The following NALCN variants were observed in gnomAD, a reference collection of about 807,000 sequenced individuals.
NALCN encodes sodium leak channel, non-selective.
In NALCN, 111 loss-of-function variants were observed where a neutral mutation model predicts 225.3. The ratio of observed to expected loss-of-function variants is 0.49; its 90% CI spans 0.42 to 0.58. The LOEUF is 0.58. Ranked by LOEUF, NALCN falls within the 20% of genes least tolerant of loss-of-function variation. The probability of loss-of-function intolerance (pLI) is 0.00; values close to 1 mark genes in which losing one functional copy is unlikely to be tolerated. For missense variants in NALCN, 1,378 were observed against 2,202.4 expected (o/e 0.63, Z 7.49); for synonymous variants, 764 against 769.0 (o/e 0.99, Z 0.11).
intron 15 of NALCN, among the ~76,000 whole-genome samples, chr13:101,168,866 C>A (rs748134773): frequency 2.0e-5 from 3 of 152,182 alleles, no homozygotes; most frequent in Non-Finnish European, 2.9e-5. Flanking sequence ...GTCGAGAAAG[C>A]CACTCTGTTT....
chr13:101,396,369 T>G (rs1386056834), intron 2 of NALCN, among the ~76,000 whole-genome samples: 4 of 152,148 alleles, frequency 2.6e-5, no homozygotes, highest in African/African-American at 9.7e-5. Flanking sequence ...TACGTTTTTA[T>G]TGACTATCTG....
Position 101,104,474 on chromosome 13 carries a change from A to G in NALCN, c.2758-48T>C. On this transcript the variant is annotated intron_variant, in intron 24 of 43. Coordinates refer to ENST00000251127, the MANE Select transcript of NALCN (RefSeq NM_052867.4). This position sits in a 1 kb window ranked among gnomAD's most constrained non-coding sequence, Gnocchi z 4.2. Reference sequence around the variant, plus strand: ...TGGTTACAATGAACGGAAAAACAGCAGGTCAGTATTTTACCTCCTAGTTGT... The same window carrying G: ...TGGTTACAATGAACGGAAAAACAGCGGGTCAGTATTTTACCTCCTAGTTGT... 6.2e-7 allele frequency: 1 copy of G among 1,612,712 alleles called. No homozygotes were observed. The highest frequency in any genetic ancestry group is 2.2e-5 in the East Asian group (1 of 44,850).
At position 101,068,039 on chromosome 13, in the gene NALCN, A is replaced by T. The variant is rs764097969; in HGVS notation, c.4331-6T>A. ...GAAATTCTCCACAATTATGGCTTTT[A>T]AAAAAAGAAAAATTCAGAAGTTAGA... On this transcript the variant is annotated splice_region_variant and splice_polypyrimidine_tract_variant and intron_variant, in intron 38 of 43. Coordinates refer to ENST00000251127, the MANE Select transcript of NALCN (RefSeq NM_052867.4). 1 of 1,535,480 alleles carries T rather than the reference A, an allele frequency of 6.5e-7. No individual in the cohort carries two copies. The highest frequency in any genetic ancestry group is 8.9e-7 in the Non-Finnish European group (1 of 1,123,890).
intron 6 of NALCN, among the ~76,000 whole-genome samples, chr13:101,366,899 C>T (rs2046390369): frequency 1.4e-5 from 2 of 146,584 alleles, no homozygotes; most frequent in Non-Finnish European, 3.0e-5. Flanking sequence ...AACTTTGTAC[C>T]CTTTGATCAG....
intron 13 of NALCN, among the ~76,000 whole-genome samples, chr13:101,218,387 G>A (rs1016792275): frequency 3.3e-5 from 5 of 152,120 alleles, no homozygotes; most frequent in African/African-American, 1.2e-4. Context: ...TAGCAGGGCT[G>A]TGCTCTGACA....
intron 10 of NALCN, among the ~76,000 whole-genome samples, chr13:101,282,878 T>C (rs2043213356): frequency 6.6e-6 from 1 of 152,150 alleles, no homozygotes; most frequent in African/African-American, 2.4e-5. Flanking sequence ...CCCACAGTAA[T>C]GGCTCAGAGT....
intron 10 of NALCN, among the ~76,000 whole-genome samples, chr13:101,275,714 C>T (rs769586890): frequency 1.5e-4 from 23 of 151,998 alleles, no homozygotes; most frequent in African/African-American, 5.6e-4. Context: ...CGCATTTAGG[C>T]AGTTGTAGCA....
intron 12 of NALCN, among the ~76,000 whole-genome samples, chr13:101,236,803 T>A (rs1211430960): frequency 1.3e-5 from 2 of 148,732 alleles, no homozygotes; most frequent in African/African-American, 2.5e-5. Flanking sequence ...TTAGGAGATA[T>A]ACCTAATGCT....
chr13:101,193,147 G>A (rs1219419011), intron 13 of NALCN, among the ~76,000 whole-genome samples: 2 of 147,034 alleles, frequency 1.4e-5, no homozygotes, highest in Non-Finnish European at 3.0e-5. Flanking sequence ...GCTCAAAGAT[G>A]TTAAGTGATT....
intron 7 of NALCN, among the ~76,000 whole-genome samples, chr13:101,324,623 T>G (rs1032438430): frequency 2.0e-5 from 3 of 152,182 alleles, no homozygotes; most frequent in African/African-American, 7.2e-5. Flanking sequence ...GCACATTGAT[T>G]TTGTATCCTG....
At chr13:101,347,605 A>C (rs142391033) in intron 6 of NALCN, among the ~76,000 whole-genome samples, 1 of 152,158 alleles carries the variant, frequency 6.6e-6, no homozygotes, top group Non-Finnish European at 1.5e-5. Flanking sequence ...GGTACCTACA[A>C]TATAACAGTA....
At chr13:101,234,835 A>AGTAT (rs369903650) in intron 12 of NALCN, among the ~76,000 whole-genome samples, 1 of 144,834 alleles carries the variant, frequency 6.9e-6, no homozygotes, top group African/African-American at 2.5e-5. Context: ...CTATCTATCT[A>AGTAT]CTATCTATCT....
chr13:101,063,053 T>C lies in NALCN; in HGVS notation c.4605-935A>G, dbSNP rs367779680. On this transcript the variant is annotated intron_variant, in intron 40 of 43. Coordinates refer to ENST00000251127, the MANE Select transcript of NALCN (RefSeq NM_052867.4). ...GCAATAAGGCAGCTCCCAGGATGCC[T>C]GGACTGAGCAGTCCACCACCAGAGG... 1.2e-3 allele frequency among the ~76,000 whole-genome samples: 180 copies of C among 152,342 alleles called. 1 individual carries two copies. Among genetic ancestry groups the C allele is most frequent in the African/African-American group, 4.1e-3 (171 of 41,580 alleles).
chr13:101,071,158 G>A (rs978184177), intron 37 of NALCN, among the ~76,000 whole-genome samples: 1 of 152,202 alleles, frequency 6.6e-6, no homozygotes, highest in Non-Finnish European at 1.5e-5. Flanking sequence ...ATGAGATTTG[G>A]GTGGGGACAC....
intron 15 of NALCN, among the ~76,000 whole-genome samples, chr13:101,159,637 A>T (rs1257913227): frequency 6.6e-6 from 1 of 152,218 alleles, no homozygotes; most frequent in Non-Finnish European, 1.5e-5. Flanking sequence ...CAGTAATGAC[A>T]GCTCTCGACT....
intron 17 of NALCN, among the ~76,000 whole-genome samples, chr13:101,135,167 G>C (rs1372866441): frequency 6.6e-6 from 1 of 152,182 alleles, no homozygotes. Context: ...TGCACCCCAG[G>C]CTGGGTGACA....
At chr13:101,404,475 G>A (rs2047561706) in intron 1 of NALCN, among the ~76,000 whole-genome samples, 1 of 152,180 alleles carries the variant, frequency 6.6e-6, no homozygotes, top group Non-Finnish European at 1.5e-5. Context: ...AAAGCCATCA[G>A]GGATTCCACT....
At chr13:101,183,959 T>C (rs1340492294) in intron 14 of NALCN, among the ~76,000 whole-genome samples, 3 of 152,194 alleles carry the variant, frequency 2.0e-5, no homozygotes, top group Non-Finnish European at 2.9e-5. Context: ...TTTTCATGCA[T>C]TTACTATTTG....
At chr13:101,084,522 T>C (rs531550719) in intron 30 of NALCN, among the ~76,000 whole-genome samples, 65 of 152,304 alleles carry the variant, frequency 4.3e-4, no homozygotes, top group African/African-American at 1.6e-3. Flanking sequence ...TTTTCAGACT[T>C]TTGTGCTTAC....
Sources: gnomAD v4.1 joint callset for allele counts (sites outside exome capture counted in the v4.1 genomes callset) on GRCh38, gnomAD v4.1.1 for gene constraint, Gnocchi (gnomAD v3.1) non-coding constraint, MANE v1.5 for transcripts, NCBI Gene and HGNC (gene_info 2026-07-23, HGNC 2026-07-21) for gene names.